TRMT44: variants seen among roughly 807,000 people sequenced by gnomAD.
TRMT44 encodes the protein probable tRNA (uracil-O(2)-)-methyltransferase.
A neutral mutation model predicts 77.3 loss-of-function variants in TRMT44; 78 were observed. The observed-to-expected ratio is 1.01, with a 90% CI of 0.84 to 1.22. The LOEUF is 1.22. Ranked by LOEUF, TRMT44 falls within the 50% of genes most tolerant of loss-of-function variation. TRMT44 has a pLI of 0.00. For missense variants in TRMT44, 1,090 were observed against 964.4 expected (o/e 1.13, Z -1.73); for synonymous variants, 391 against 383.3 (o/e 1.02, Z -0.23).
At position 8,464,046 on chromosome 4, in the gene TRMT44, AC is replaced by A. The variant is rs1196974272; in HGVS notation, c.1267del (p.His423IlefsTer110). On this transcript the variant is annotated frameshift_variant, in exon 7 of 11. Transcript: ENST00000389737. LOFTEE classifies it high-confidence loss of function. ...CCTGATGTTGATTGGTTAATCGGTA[AC>A]CATTCTGATGAACTCACACCATGGA... is the stretch of plus-strand genomic sequence containing the variant. Reference protein sequence around the residue: ...LFPDVDWLIGNHSDELTPWIP... With the variant: ...LFPDVDWLIGXHSDELTPWIP... 1 of 1,614,020 alleles carries A rather than the reference AC, an allele frequency of 6.2e-7. No individual in the cohort carries two copies. Among genetic ancestry groups the A allele is most frequent in the Non-Finnish European group, 8.5e-7 (1 of 1,180,016 alleles).
At chr4:8,509,942 G>C in the TRMT44 span, 1 of 152,308 alleles carries the variant, frequency 6.6e-6, no homozygotes, top group African/African-American at 2.4e-5. Flanking sequence ...GCACCCAAGG[G>C]GGTGGCCAGG....
At chr4:8,492,626 A>G (rs934695626) in intron 2 of TRMT44, among the ~76,000 whole-genome samples, 10 of 152,196 alleles carry the variant, frequency 6.6e-5, no homozygotes, top group Non-Finnish European at 1.0e-4. Flanking sequence ...TTCTATTCCT[A>G]AAAAAGATAG....
At chr4:8,487,675 G>A (rs1727858918) in intron 2 of TRMT44, among the ~76,000 whole-genome samples, 1 of 151,994 alleles carries the variant, frequency 6.6e-6, no homozygotes, top group Admixed American at 6.6e-5. Flanking sequence ...AGAAAAGCGG[G>A]ACTTACCACT....
Position 8,441,063 on chromosome 4 carries a change from G to T in TRMT44, c.241G>T (p.Gly81Trp). 6.7e-7 allele frequency: 1 copy of T among 1,486,700 alleles called. No individual in the cohort carries two copies. Among genetic ancestry groups the T allele is most frequent in the South Asian group, 1.3e-5 (1 of 75,962 alleles). 92.1% of individuals were successfully genotyped at this position (1,486,700 alleles called of 1,614,324 possible). ...GPGPGQGSPG[G>W]GPGPRSLSGP... ...GGGACCCGGCCAGGGTTCCCCCGGA[G>T]GGGGCCCGGGTCCCAGGTCGCTATC... The change falls in exon 1 of 11, where the codon GGG (glycine) becomes TGG (tryptophan). Residue 81 changes from glycine (G) to tryptophan (W), a missense_variant. Gly to Trp is a radical substitution (Grantham distance 184). Coordinates refer to ENST00000389737, the MANE Select transcript of TRMT44 (RefSeq NM_152544.3).
chr4:8,448,073 T>C (rs2109092674), intron 2 of TRMT44, among the ~76,000 whole-genome samples: 1 of 152,166 alleles, frequency 6.6e-6, no homozygotes, highest in African/African-American at 2.4e-5. Context: ...CACTGCTCTT[T>C]AACGAGCTAC....
chr4:8,452,102 G>A lies in TRMT44; in HGVS notation c.1023+74G>A. On this transcript the variant is annotated intron_variant, in intron 4 of 10. Coordinates refer to ENST00000389737, the MANE Select transcript of TRMT44 (RefSeq NM_152544.3). The surrounding 1 kb of genome is among the most constrained non-coding windows in gnomAD (Gnocchi z 5.7). ...ACAGGCAGATGTTCCCTGTAGTGAAGGACATTTTCCAAATCCATAACTGCC... is the reference window on the plus strand; with the variant it reads ...ACAGGCAGATGTTCCCTGTAGTGAAAGACATTTTCCAAATCCATAACTGCC... The A allele has an allele frequency of 7.4e-7, 1 of 1,348,566 alleles. No homozygotes were observed. The highest frequency in any genetic ancestry group is 1.0e-6 in the Non-Finnish European group (1 of 977,324). 83.5% of individuals were successfully genotyped at this position (1,348,566 alleles called of 1,614,324 possible).
At chr4:8,496,350 G>A (rs573749451), downstream of TRMT44, among the ~76,000 whole-genome samples, 22 of 152,334 alleles carry the variant, frequency 1.4e-4, no homozygotes, top group Non-Finnish European at 2.6e-4. Flanking sequence ...AGTAACAGTA[G>A]CCTCTGACTT....
At chr4:8,501,161 A>C in the TRMT44 span, among the ~76,000 whole-genome samples, 1 of 152,192 alleles carries the variant, frequency 6.6e-6, no homozygotes, top group African/African-American at 2.4e-5. The surrounding 1 kb of genome is among the most constrained non-coding windows in gnomAD (Gnocchi z 4.4). Flanking sequence ...ATGGCCGGCA[A>C]TTCCATGTGC....
At chr4:8,488,963 C>G (rs1353821637) in intron 2 of TRMT44, among the ~76,000 whole-genome samples, 1 of 152,182 alleles carries the variant, frequency 6.6e-6, no homozygotes, top group African/African-American at 2.4e-5. Flanking sequence ...GCACCACCCA[C>G]AAGCAAGATC....
the TRMT44 span, among the ~76,000 whole-genome samples, chr4:8,515,921 A>G: frequency 6.6e-6 from 1 of 152,148 alleles, no homozygotes; most frequent in African/African-American, 2.4e-5. Context: ...GTGCCTGAAA[A>G]TATTGGAAGA....
the TRMT44 span, among the ~76,000 whole-genome samples, chr4:8,504,122 C>A: frequency 6.7e-6 from 1 of 149,912 alleles, no homozygotes; most frequent in African/African-American, 2.5e-5. This position sits in a 1 kb window ranked among gnomAD's most constrained non-coding sequence, Gnocchi z 5.3. Flanking sequence ...GGTCTCAGGG[C>A]GGGGCAGGGG....
downstream of TRMT44, chr4:8,478,235 A>G (rs1171654833): frequency 6.6e-6 from 1 of 152,614 alleles, no homozygotes; most frequent in Non-Finnish European, 1.5e-5. Context: ...GCTCCCCAAC[A>G]CTTGTTACGG....
At chr4:8,499,727 A>AAGAGGGGGATCAC in the TRMT44 span, among the ~76,000 whole-genome samples, 1 of 152,202 alleles carries the variant, frequency 6.6e-6, no homozygotes, top group South Asian at 2.1e-4. Flanking sequence ...AGTGGGCAGA[A>AAGAGGGGGATCAC]AGAGGGGGAT....
chr4:8,504,778 G>T, the TRMT44 span, among the ~76,000 whole-genome samples: 1 of 152,156 alleles, frequency 6.6e-6, no homozygotes, highest in South Asian at 2.1e-4. The surrounding 1 kb of genome is among the most constrained non-coding windows in gnomAD (Gnocchi z 5.3). Context: ...CCTGCAAACT[G>T]CACTCCATGG....
rs558643441 is a variant in TRMT44 at position 8,490,715 on chromosome 4, G to A, written n.3892-2551G>A. ...AGTAGCAAGATTTATTGCAAAGAGC[G>A]AAAGAACAAAGCTTCCACAGTGTGG... On this transcript the variant is annotated intron_variant and non_coding_transcript_variant, in intron 2 of 2. Coordinates refer to the TRMT44 transcript ENST00000511366. Among the ~76,000 whole-genome samples, 232 of 152,278 alleles carry A rather than the reference G, an allele frequency of 1.5e-3. 5 individuals are homozygous for A. Among genetic ancestry groups the A allele is most frequent in the African/African-American group, 5.3e-3 (221 of 41,562 alleles).
chr4:8,505,190 T>G, the TRMT44 span, among the ~76,000 whole-genome samples: 1 of 152,226 alleles, frequency 6.6e-6, no homozygotes, highest in Admixed American at 6.5e-5. Context: ...AGAAACTGGC[T>G]GGAGCAGGCT....
chr4:8,449,677 CTGTTT>C lies in TRMT44; in HGVS notation c.745_749del (p.Val249AsnfsTer39). 1 of 1,534,682 alleles carries C rather than the reference CTGTTT, an allele frequency of 6.5e-7. No individual in the cohort carries two copies. The highest frequency in any genetic ancestry group is 8.7e-7 in the Non-Finnish European group (1 of 1,145,804). On this transcript the variant is annotated frameshift_variant, in exon 3 of 11. Transcript: ENST00000389737. LOFTEE classifies it high-confidence loss of function. The stretch of plus-strand genomic sequence containing the variant: ...TTCTCTTATTTTTAAAGGTTCATAT[CTGTTT>C]TAATTTTCTGTCCAGAAAGATGGCA...
intron 6 of TRMT44, among the ~76,000 whole-genome samples, chr4:8,456,166 T>C (rs1398730090): frequency 1.3e-5 from 2 of 152,232 alleles, no homozygotes; most frequent in African/African-American, 4.8e-5. Context: ...GTCCATTCAG[T>C]GCTACTGTAA....
At position 8,446,386 on chromosome 4, in the gene TRMT44, G is replaced by A. The variant is rs76944343; in HGVS notation, c.620-90G>A. The stretch of plus-strand genomic sequence containing the variant: ...AGAGTGCTGGGGGATTGAAAGCATC[G>A]TGCTTGACTCATCCCTATTTTTAAT... On this transcript the variant is annotated intron_variant, in intron 1 of 10. Transcript: ENST00000389737. This position sits in a 1 kb window ranked among gnomAD's most constrained non-coding sequence, Gnocchi z 4.3. 1,089 of 798,272 alleles carry A rather than the reference G, an allele frequency of 1.4e-3. 9 individuals carry two copies. The African/African-American group carries it at 0.017, about 12-fold the overall frequency. 49.4% of individuals were successfully genotyped at this position (798,272 alleles called of 1,614,324 possible). A position where few individuals can be genotyped will look rare whatever the true frequency, so the allele number is the denominator to read the frequency against.
Sources: allele counts gnomAD v4.1 joint callset (sites outside exome capture counted in the v4.1 genomes callset), GRCh38; gene constraint gnomAD v4.1.1; non-coding constraint Gnocchi (gnomAD v3.1); transcripts MANE v1.5; gene names NCBI Gene and HGNC (gene_info 2026-07-23, HGNC 2026-07-21).